PPP2R5E: variants seen among roughly 807,000 people sequenced by gnomAD.
The protein encoded by PPP2R5E is protein phosphatase 2 regulatory subunit B'epsilon.
In PPP2R5E, 4 loss-of-function variants were observed where a neutral mutation model predicts 65.3. The ratio of observed to expected loss-of-function variants is 0.06; its 90% CI spans 0.03 to 0.14. PPP2R5E has a LOEUF of 0.14. Among genes scored for constraint, PPP2R5E ranks in the 10% least tolerant of loss-of-function variants. PPP2R5E has a pLI of 1.00. For synonymous variants in PPP2R5E, 183 were observed against 187.4 expected (o/e 0.98, Z 0.19); for missense variants, 274 against 556.1 (o/e 0.49, Z 5.10).
chr14:63,452,943 C>A (rs1193500648), intron 3 of PPP2R5E: 1 of 152,172 alleles, frequency 6.6e-6, no homozygotes, highest in East Asian at 1.9e-4. Flanking sequence ...GACCAGCTTC[C>A]CCACCCTGCA....
In PPP2R5E at chr14:63,375,785, T is replaced by C. The variant is rs1883952178; in HGVS notation, c.*224A>G. The C allele has an allele frequency of 5.9e-6, 2 of 339,920 alleles. No homozygotes were observed. Among genetic ancestry groups the C allele is most frequent in the Non-Finnish European group, 1.1e-5 (2 of 188,274 alleles). The allele number at this position is 339,920 out of a possible 1,614,324, so 21.1% of individuals were successfully genotyped here. A position where few individuals can be genotyped will look rare whatever the true frequency, so the allele number is the denominator to read the frequency against. On this transcript the variant is annotated 3_prime_UTR_variant, in exon 14 of 14. Transcript: ENST00000337537. ...TAAAAGAGGGTGAGAACAATGATTA[T>C]GTTTGCAAAGTTCTGAGAAGTCCAT...
intron 2 of PPP2R5E, among the ~76,000 whole-genome samples, chr14:63,493,473 A>C (rs1891380998): frequency 8.8e-6 from 1 of 113,314 alleles, no homozygotes; most frequent in African/African-American, 4.2e-5. Flanking sequence ...TTGCCAAATT[A>C]CCGCGCGCGC....
intron 3 of PPP2R5E, among the ~76,000 whole-genome samples, chr14:63,441,116 A>G (rs1267637887): frequency 1.3e-5 from 2 of 152,180 alleles, no homozygotes; most frequent in African/African-American, 4.8e-5. Context: ...GGTGGTTCTC[A>G]TTCAATGTGA....
At chr14:63,520,619 T>C (rs963307415) in intron 2 of PPP2R5E, among the ~76,000 whole-genome samples, 1 of 152,070 alleles carries the variant, frequency 6.6e-6, no homozygotes, top group Non-Finnish European at 1.5e-5. Flanking sequence ...TAGCCCACTG[T>C]AACAATCATA....
At chr14:63,535,006 T>A (rs1340399645) in intron 2 of PPP2R5E, among the ~76,000 whole-genome samples, 2 of 152,182 alleles carry the variant, frequency 1.3e-5, no homozygotes, top group African/African-American at 4.8e-5. Context: ...GCAAAGTTCA[T>A]CCTATAATTT....
At chr14:63,412,352 A>G (rs1416679069) in intron 5 of PPP2R5E, among the ~76,000 whole-genome samples, 1 of 152,256 alleles carries the variant, frequency 6.6e-6, no homozygotes, top group African/African-American at 2.4e-5. Context: ...CAGAAGCTTA[A>G]CATAAGTTGG....
intron 2 of PPP2R5E, among the ~76,000 whole-genome samples, chr14:63,467,243 C>CAAAAAA (rs978615067): frequency 1.6e-5 from 2 of 122,802 alleles, no homozygotes; most frequent in Non-Finnish European, 3.3e-5. Context: ...AACAAACAAA[C>CAAAAAA]AAAAAAAACA....
chr14:63,476,243 T>TC (rs915780644), intron 2 of PPP2R5E, among the ~76,000 whole-genome samples: 4 of 152,146 alleles, frequency 2.6e-5, no homozygotes, highest in South Asian at 4.1e-4. Flanking sequence ...TTCTTCTTTT[T>TC]CCCCCCCTTT....
intron 2 of PPP2R5E, among the ~76,000 whole-genome samples, chr14:63,511,055 G>T (rs937403963): frequency 6.6e-6 from 1 of 152,168 alleles, no homozygotes; most frequent in Non-Finnish European, 1.5e-5. Flanking sequence ...TGCAGAAATG[G>T]CCACAAATTC....
At position 63,393,701 on chromosome 14, in the gene PPP2R5E, G is replaced by C. The variant is rs760716786; in HGVS notation, c.849+119C>G. ...CACTCCAGCCTGGGCGGCAGAGCAA[G>C]ACTCCGTCTCAAAAAACAAAAACCA... On this transcript the variant is annotated intron_variant, in intron 8 of 13. Coordinates refer to ENST00000337537, the MANE Select transcript of PPP2R5E (RefSeq NM_006246.5). The C allele has an allele frequency of 1.2e-5, 8 of 649,040 alleles. No homozygotes were observed. The African/African-American group carries it at 1.5e-4, about 12-fold the overall frequency. 40.2% of individuals were successfully genotyped at this position (649,040 alleles called of 1,614,324 possible).
intron 4 of PPP2R5E, among the ~76,000 whole-genome samples, chr14:63,416,890 G>A (rs998061790): frequency 1.3e-5 from 2 of 151,980 alleles, no homozygotes; most frequent in African/African-American, 2.4e-5. Flanking sequence ...CAAGGCTGAC[G>A]GAGATCCAGG....
chr14:63,424,292 A>C (rs1212396392), intron 3 of PPP2R5E, among the ~76,000 whole-genome samples: 1 of 152,194 alleles, frequency 6.6e-6, no homozygotes, highest in Admixed American at 6.5e-5. Context: ...GGATCTAGTT[A>C]GAGACATATT....
At chr14:63,462,708 TAAAGA>T (rs763649172) in intron 2 of PPP2R5E, among the ~76,000 whole-genome samples, 2 of 152,142 alleles carry the variant, frequency 1.3e-5, no homozygotes, top group Non-Finnish European at 2.9e-5. Flanking sequence ...AAAATTAGAC[TAAAGA>T]ATAGAGGAAA....
chr14:63,462,737 T>C (rs532812603), intron 2 of PPP2R5E, among the ~76,000 whole-genome samples: 2 of 152,266 alleles, frequency 1.3e-5, no homozygotes, highest in South Asian at 4.1e-4. Flanking sequence ...CTTGATATAA[T>C]GTATTTAATA....
intron 2 of PPP2R5E, among the ~76,000 whole-genome samples, chr14:63,486,267 G>A (rs113452190): frequency 8.2e-6 from 1 of 122,026 alleles, no homozygotes; most frequent in Non-Finnish European, 1.7e-5. Flanking sequence ...CTCCTCCCCC[G>A]ACCCCACCCA....
chr14:63,463,600 C>CATTT (rs1889615733), intron 2 of PPP2R5E, among the ~76,000 whole-genome samples: 2 of 139,220 alleles, frequency 1.4e-5, no homozygotes, highest in African/African-American at 5.3e-5. Context: ...CTCGAATTCG[C>CATTT]TTTTTTTTTT....
chr14:63,507,003 G>T (rs1892216513), intron 2 of PPP2R5E, among the ~76,000 whole-genome samples: 1 of 152,210 alleles, frequency 6.6e-6, no homozygotes, highest in South Asian at 2.1e-4. Flanking sequence ...GAGGAACCTT[G>T]AGAATCTGGC....
chr14:63,507,890 A>C lies in PPP2R5E; in HGVS notation c.157+31639T>G, dbSNP rs570482200. The stretch of plus-strand genomic sequence containing the variant: ...ACCGCAACCGGCCCCAGCAAGGGTA[A>C]TTCTCTTATGCCTAGGGGCACTTGA... On this transcript the variant is annotated intron_variant, in intron 2 of 13. Transcript: ENST00000337537. Among the ~76,000 whole-genome samples, 3 of 152,292 alleles carry C rather than the reference A, an allele frequency of 2.0e-5. No individual in the cohort carries two copies. The South Asian group carries it at 6.2e-4, about 32-fold the overall frequency.
At chr14:63,387,219 T>C (rs1884725304) in intron 11 of PPP2R5E, among the ~76,000 whole-genome samples, 1 of 152,224 alleles carries the variant, frequency 6.6e-6, no homozygotes, top group Admixed American at 6.5e-5. Context: ...TCCCGTGGTC[T>C]CTTTGGACAT....
Sources: allele counts gnomAD v4.1 joint callset (sites outside exome capture counted in the v4.1 genomes callset), GRCh38; gene constraint gnomAD v4.1.1; transcripts MANE v1.5; gene names NCBI Gene and HGNC (gene_info 2026-07-23, HGNC 2026-07-21).